Variants in CCDC85A observed in about 807,000 individuals in gnomAD.
CCDC85A encodes the protein coiled-coil domain containing 85A, also known as coiled-coil domain-containing protein 85A.
A neutral mutation model predicts 50.2 loss-of-function variants in CCDC85A; 38 were observed. That is an observed-to-expected ratio of 0.76 (90% confidence interval 0.58 to 0.99). CCDC85A has a LOEUF of 0.99. CCDC85A is among the 50% of genes least tolerant of loss of function. CCDC85A has a pLI of 0.00. For missense variants in CCDC85A, 820 were observed against 742.0 expected (o/e 1.11, Z -1.22); for synonymous variants, 366 against 301.4 (o/e 1.21, Z -2.22).
In CCDC85A at chr2:56,372,660, G is replaced by GTT. The variant is rs574123468; in HGVS notation, c.1452+188_1452+189dup. ...TTTTCACCTCCTAAACAGTTTTCTT[G>GTT]TTTTTTTCCCCCACATCTGGGGGTG... On this transcript the variant is annotated intron_variant, in intron 4 of 5. Coordinates refer to ENST00000407595, the MANE Select transcript of CCDC85A (RefSeq NM_001080433.2). 2.3e-4 allele frequency among the ~76,000 whole-genome samples: 35 copies of GTT among 152,244 alleles called. 1 individual carries two copies. The East Asian group carries it at 6.4e-3, about 28-fold the overall frequency.
chr2:56,331,006 A>T (rs1285567401), intron 2 of CCDC85A, among the ~76,000 whole-genome samples: 1 of 151,716 alleles, frequency 6.6e-6, no homozygotes, highest in African/African-American at 2.4e-5. Context: ...AATAAAGGAA[A>T]TGTGGTATAT....
chr2:56,370,454 T>C (rs934948745), intron 3 of CCDC85A, among the ~76,000 whole-genome samples: 26 of 152,236 alleles, frequency 1.7e-4, no homozygotes, highest in African/African-American at 5.8e-4. Context: ...TTAATCCTGG[T>C]TCTAAAAGAG....
chr2:56,193,265 G>A lies in CCDC85A; in HGVS notation c.1065G>A (p.Arg355=). The A allele has an allele frequency of 6.2e-7, 1 of 1,609,602 alleles. No individual in the cohort carries two copies. The highest frequency in any genetic ancestry group is 8.5e-7 in the Non-Finnish European group (1 of 1,178,440). Residue 355 remains arginine, a synonymous_variant, in exon 2 of 6, where the codon AGG becomes AGA. Coordinates refer to ENST00000407595, the MANE Select transcript of CCDC85A (RefSeq NM_001080433.2). The part of the protein sequence containing the change: ...GGSLEHLPRA[R]GTSPEHLKQH... The stretch of plus-strand genomic sequence containing the variant: ...GCCTAGAGCATCTCCCCAGAGCCAG[G>A]GGCACCAGCCCGGAGCACCTCAAAC...
At chr2:56,276,944 A>T (rs1230088813) in intron 2 of CCDC85A, among the ~76,000 whole-genome samples, 2 of 152,162 alleles carry the variant, frequency 1.3e-5, no homozygotes, top group African/African-American at 4.8e-5. Context: ...GTGCTAACTA[A>T]GGACACTAGG....
chr2:56,263,598 G>A (rs1410705245), intron 2 of CCDC85A, among the ~76,000 whole-genome samples: 1 of 152,186 alleles, frequency 6.6e-6, no homozygotes, highest in Non-Finnish European at 1.5e-5. Context: ...GTGTGTATGA[G>A]TGTGTGTTCT....
rs548481294 is a variant in CCDC85A at position 56,226,217 on chromosome 2, T to G, written c.1240+32777T>G. Among the ~76,000 whole-genome samples the G allele has an allele frequency of 5.9e-5, 9 of 152,316 alleles. No individual in the cohort carries two copies. The South Asian group carries it at 1.9e-3, about 32-fold the overall frequency. ...TTACTTGCTCTGAGAGAAATTTACT[T>G]GACATGCCTTAATTTCCTCATCCAT... On this transcript the variant is annotated intron_variant, in intron 2 of 5. Coordinates refer to ENST00000407595, the MANE Select transcript of CCDC85A (RefSeq NM_001080433.2).
At chr2:56,225,707 T>C (rs999960213) in intron 2 of CCDC85A, among the ~76,000 whole-genome samples, 8 of 152,178 alleles carry the variant, frequency 5.3e-5, no homozygotes, top group Admixed American at 1.3e-4. Context: ...TTGCATTGAA[T>C]CTGTAGATGA....
chr2:56,220,250 C>T (rs187003180), intron 2 of CCDC85A, among the ~76,000 whole-genome samples: 12 of 149,338 alleles, frequency 8.0e-5, no homozygotes, highest in Non-Finnish European at 1.3e-4. Flanking sequence ...TCTACTTAAT[C>T]TTAAACTCCT....
At chr2:56,296,602 T>C (rs2104169029) in intron 2 of CCDC85A, among the ~76,000 whole-genome samples, 1 of 152,152 alleles carries the variant, frequency 6.6e-6, no homozygotes, top group South Asian at 2.1e-4. Flanking sequence ...TAAGCAGGCA[T>C]TATTCAGAAA....
At chr2:56,235,944 G>A (rs1242021087) in intron 2 of CCDC85A, among the ~76,000 whole-genome samples, 1 of 152,114 alleles carries the variant, frequency 6.6e-6, no homozygotes, top group Admixed American at 6.6e-5. Context: ...GCTTCAAAAA[G>A]GGGGTACATT....
chr2:56,373,307 T>C (rs1050099292), intron 4 of CCDC85A, among the ~76,000 whole-genome samples: 1 of 151,784 alleles, frequency 6.6e-6, no homozygotes, highest in Non-Finnish European at 1.5e-5. Flanking sequence ...ATGATGAATT[T>C]CCCCCCACTG....
Position 56,334,728 on chromosome 2 carries a change from C to A in CCDC85A, c.1241-8151C>A, listed in dbSNP as rs188136857. On this transcript the variant is annotated intron_variant, in intron 2 of 5. Transcript: ENST00000407595. ...TTTGGCATTTCTGATTATTGGAAAG[C>A]TATTTTTCATTCCATGAAAGGAAGA... Among the ~76,000 whole-genome samples, 406 of 152,264 alleles carry A rather than the reference C, an allele frequency of 2.7e-3. 1 individual carries two copies. Among genetic ancestry groups the A allele is most frequent in the African/African-American group, 9.5e-3 (394 of 41,560 alleles).
At chr2:56,190,207 A>G (rs1363664468) in intron 1 of CCDC85A, among the ~76,000 whole-genome samples, 1 of 152,172 alleles carries the variant, frequency 6.6e-6, no homozygotes, top group Non-Finnish European at 1.5e-5. Context: ...TCGGTTCGCA[A>G]GACCAAAGAT....
chr2:56,284,486 C>T (rs1163594442), intron 2 of CCDC85A, among the ~76,000 whole-genome samples: 2 of 152,190 alleles, frequency 1.3e-5, no homozygotes, highest in Non-Finnish European at 2.9e-5. Flanking sequence ...GATTTTCCTG[C>T]CTCAGCCTCC....
intron 2 of CCDC85A, among the ~76,000 whole-genome samples, chr2:56,285,042 C>T (rs1012103280): frequency 1.3e-5 from 2 of 151,780 alleles, no homozygotes; most frequent in Non-Finnish European, 2.9e-5. Flanking sequence ...TTTGTGTTTT[C>T]ATCCAGTCTG....
intron 3 of CCDC85A, among the ~76,000 whole-genome samples, chr2:56,351,832 T>G (rs549292445): frequency 5.7e-4 from 87 of 152,148 alleles, no homozygotes; most frequent in African/African-American, 2.0e-3. Context: ...AGTTTCTTTT[T>G]CTGTGCAGAA....
intron 1 of CCDC85A, among the ~76,000 whole-genome samples, chr2:56,189,297 G>GTTTTGTTTTTTTTTTTTTTTTT (rs1553388170): frequency 8.2e-6 from 1 of 121,972 alleles, no homozygotes; most frequent in African/African-American, 3.4e-5. Context: ...TATTTTTGGT[G>GTTTTGTTTTTTTTTTTTTTTTT]TTTTTTTTTT....
chr2:56,203,846 T>G (rs1194533989), intron 2 of CCDC85A, among the ~76,000 whole-genome samples: 2 of 152,224 alleles, frequency 1.3e-5, no homozygotes, highest in African/African-American at 4.8e-5. Context: ...AAAATGTGTT[T>G]AAAACACTTT....
At chr2:56,223,764 C>T (rs777379357) in intron 2 of CCDC85A, among the ~76,000 whole-genome samples, 2 of 152,022 alleles carry the variant, frequency 1.3e-5, no homozygotes, top group African/African-American at 2.4e-5. Context: ...ATGTTTTTGC[C>T]CCAAAGCCTG....
Sources: gnomAD v4.1 joint callset for allele counts (sites outside exome capture counted in the v4.1 genomes callset) on GRCh38, gnomAD v4.1.1 for gene constraint, MANE v1.5 for transcripts, NCBI Gene and HGNC (gene_info 2026-07-23, HGNC 2026-07-21) for gene names.